ZNF624: variants seen among roughly 807,000 people sequenced by gnomAD.
The protein encoded by ZNF624 is zinc finger protein 624.
Under a neutral mutation model 74.7 loss-of-function variants are expected in ZNF624, and 43 were observed. That is an observed-to-expected ratio of 0.58 (90% CI 0.45 to 0.74). The LOEUF (loss-of-function observed/expected upper bound fraction) is 0.74, where lower values mean the gene tolerates loss of function less well. Ranked by LOEUF, ZNF624 falls within the 30% of genes least tolerant of loss-of-function variation. ZNF624 has a pLI of 0.00. For missense variants in ZNF624, 820 were observed against 1,030.0 expected, an observed-to-expected ratio of 0.80 and a Z score of 2.79; for synonymous variants, 331 against 341.3, an observed-to-expected ratio of 0.97 and a Z score of 0.33.
chr17:16,632,961 T>C (rs988845648), intron 5 of ZNF624, among the ~76,000 whole-genome samples: 4 of 152,228 alleles, frequency 2.6e-5, no homozygotes, highest in Non-Finnish European at 4.4e-5. Flanking sequence ...ATCCTTTGCA[T>C]TGTTGTTCCC....
At chr17:16,618,408 T>G (rs1315421526), downstream of ZNF624, among the ~76,000 whole-genome samples, 1 of 152,206 alleles carries the variant, frequency 6.6e-6, no homozygotes, top group Non-Finnish European at 1.5e-5. Context: ...TGTCTCAATA[T>G]TCATGTTTAT....
chr17:16,615,519 ATTTTT>A, the ZNF624 span, among the ~76,000 whole-genome samples: 1 of 152,156 alleles, frequency 6.6e-6, no homozygotes, highest in African/African-American at 2.4e-5. Flanking sequence ...TTTTATGACA[ATTTTT>A]TAAATGTTTA....
intron 5 of ZNF624, chr17:16,624,853 C>CAAAAAAAAAAAAAAAAAAAAAAAAAAA (rs59170659): frequency 2.3e-5 from 1 of 43,954 alleles, no homozygotes; most frequent in African/African-American, 1.1e-4. Flanking sequence ...CCTGTCTCTA[C>CAAAAAAAAAAAAAAAAAAAAAAAAAAA]AAAAAAAAAA....
chr17:16,635,624 C>T (rs1909310195), intron 3 of ZNF624, among the ~76,000 whole-genome samples: 1 of 151,994 alleles, frequency 6.6e-6, no homozygotes, highest in Admixed American at 6.6e-5. Context: ...AGAAAAATAA[C>T]TGCAAAATAA....
chr17:16,628,193 G>A (rs747798741), intron 5 of ZNF624, among the ~76,000 whole-genome samples: 15 of 152,230 alleles, frequency 9.9e-5, no homozygotes, highest in East Asian at 3.9e-4. Context: ...AACTTGGGAG[G>A]TGGAGGTTGC....
At chr17:16,645,648 C>A (rs71360182) in intron 3 of ZNF624, among the ~76,000 whole-genome samples, 15,759 of 136,774 alleles carry the variant, frequency 0.12, 968 homozygotes, top group African/African-American at 0.17. Context: ...AAAAAAAAAA[C>A]AAAACACTAA....
chr17:16,639,667 G>T (rs1909421005), intron 3 of ZNF624, among the ~76,000 whole-genome samples: 1 of 152,136 alleles, frequency 6.6e-6, no homozygotes, highest in Non-Finnish European at 1.5e-5. Flanking sequence ...AAGGCAAAAA[G>T]AAATCTGTCT....
rs1235326338 is a variant in ZNF624 at position 16,624,092 on chromosome 17, A to G, written c.794T>C (p.Leu265Ser). 4.3e-6 allele frequency: 7 copies of G among 1,614,024 alleles called. No individual in the cohort carries two copies. The highest frequency in any genetic ancestry group is 2.7e-5 in the African/African-American group (2 of 74,944). Residue 265 changes from leucine to serine, a missense_variant, in exon 6 of 6, where the codon TTG becomes TCG. By Grantham distance (145) the Leu-to-Ser change is moderately radical. Transcript: ENST00000311331. ...TTCCTTATTATTGGATTTTTTCCCC[A>G]AAGTTAGTTCTGAAGTCTGCCTTAT... The part of the protein sequence containing the change: ...KAIRQTSELT[L>S]GKKSNNKEKP...
chr17:16,634,502 G>T, intron 4 of ZNF624, 128 bp downstream of exon 4: 1 of 953,708 alleles, frequency 1.0e-6, no homozygotes, highest in Non-Finnish European at 1.6e-6. Context: ...TAAGAGTGAG[G>T]AATAGCATAA....
chr17:16,637,288 T>A (rs916521902), intron 3 of ZNF624, among the ~76,000 whole-genome samples: 1 of 152,234 alleles, frequency 6.6e-6, no homozygotes, highest in Non-Finnish European at 1.5e-5. Flanking sequence ...ATGGCCATAC[T>A]GCCCAAGGTA....
intron 5 of ZNF624, among the ~76,000 whole-genome samples, chr17:16,629,197 CAAAAAAAAAAA>C (rs34250278): frequency 1.7e-5 from 1 of 59,476 alleles, no homozygotes; most frequent in Non-Finnish European, 3.3e-5. Flanking sequence ...GACTCCATCT[CAAAAAAAAAAA>C]AAAAAAAAAA....
chr17:16,617,796 A>C, downstream of ZNF624: 1 of 1,611,922 alleles, frequency 6.2e-7, no homozygotes, highest in South Asian at 1.1e-5. Context: ...GTCTACTTCG[A>C]GGAGGCGGCC....
At position 16,622,309 on chromosome 17, in the gene ZNF624, T is replaced by A; in HGVS notation, c.2577A>T (p.Gln859His). Residue 859 changes from glutamine to histidine, a missense_variant, in exon 6 of 6, where the codon CAA becomes CAT. By Grantham distance (24) the Gln-to-His change is conservative. Transcript: ENST00000311331. ...TTCTTTATATTAACTGAGTTTCTCT[T>A]TGATGTATTCTTTGATGTACAGTAA... is the stretch of plus-strand genomic sequence containing the variant. ...SSLTVHQRIHQRETQLI is the reference protein window; with the variant it reads ...SSLTVHQRIHHRETQLI 1 of 1,571,754 alleles carries A rather than the reference T, an allele frequency of 6.4e-7. No individual in the cohort carries two copies. Among genetic ancestry groups the A allele is most frequent in the Non-Finnish European group, 8.6e-7 (1 of 1,163,470 alleles).
chr17:16,623,063 C>G lies in ZNF624; in HGVS notation c.1823G>C (p.Gly608Ala). Reference sequence around the variant, plus strand: ...GTCAGTACATTTATATGGTTTCTCTCCAGTGTGAATTCTCTGATGTACAGT... The same window carrying G: ...GTCAGTACATTTATATGGTTTCTCTGCAGTGTGAATTCTCTGATGTACAGT... Reference protein sequence around the residue: ...HLTVHQRIHTGEKPYKCTDCE... With the variant: ...HLTVHQRIHTAEKPYKCTDCE... Residue 608 changes from glycine to alanine, a missense_variant, in exon 6 of 6, where the codon GGA becomes GCA. Gly to Ala is a moderately conservative substitution (Grantham distance 60). Transcript: ENST00000311331. The surrounding 1 kb of genome is among the most constrained non-coding windows in gnomAD (Gnocchi z 5.3). 2 of 1,614,012 alleles carry G rather than the reference C, an allele frequency of 1.2e-6. No homozygotes were observed. The highest frequency in any genetic ancestry group is 1.7e-6 in the Non-Finnish European group (2 of 1,179,946).
In ZNF624 at chr17:16,622,909, C is replaced by T; in HGVS notation, c.1977G>A (p.Gln659=). The change falls in exon 6 of 6, where the codon CAG becomes CAA. Residue 659 remains glutamine (Q), a synonymous_variant. Transcript: ENST00000311331. ...ATGGTTTTTCTCCAGTATGGGTCCT[C>T]TGATGTACAATAAGGTATGATTTAG... ...FRTKSYLIVH[Q]RTHTGEKPYK... The T allele has an allele frequency of 6.2e-7, 1 of 1,614,002 alleles. No homozygotes were observed.
chr17:16,643,169 C>G (rs868531895), intron 3 of ZNF624, among the ~76,000 whole-genome samples: 1 of 152,168 alleles, frequency 6.6e-6, no homozygotes, highest in African/African-American at 2.4e-5. Context: ...AAAATTCCAA[C>G]CCTAGGTATA....
chr17:16,614,269 T>A, the ZNF624 span, among the ~76,000 whole-genome samples: 3 of 151,842 alleles, frequency 2.0e-5, no homozygotes, highest in Non-Finnish European at 2.9e-5. Context: ...GGTGGGTTTT[T>A]AAAAAAAATT....
At chr17:16,638,872 T>TA (rs1237304711) in intron 3 of ZNF624, among the ~76,000 whole-genome samples, 4 of 152,054 alleles carry the variant, frequency 2.6e-5, no homozygotes, top group Middle Eastern at 3.4e-3. Flanking sequence ...TAAAATAAAA[T>TA]AAAAAGAGGG....
downstream of ZNF624, among the ~76,000 whole-genome samples, chr17:16,619,827 G>C (rs986224051): frequency 3.9e-5 from 6 of 152,250 alleles, no homozygotes; most frequent in Non-Finnish European, 8.8e-5. Flanking sequence ...GGAGGGTTTA[G>C]ATGTAGTGAG....
Sources: gnomAD v4.1 joint callset for allele counts (sites outside exome capture counted in the v4.1 genomes callset) on GRCh38, gnomAD v4.1.1 for gene constraint, Gnocchi (gnomAD v3.1) non-coding constraint, MANE v1.5 for transcripts, NCBI Gene and HGNC (gene_info 2026-07-23, HGNC 2026-07-21) for gene names.